Variants in TASP1 observed in about 807,000 individuals in gnomAD.
TASP1 encodes taspase 1.
In TASP1, 16 loss-of-function variants were observed where a neutral mutation model predicts 56.6. The ratio of observed to expected loss-of-function variants is 0.28; its 90% CI spans 0.19 to 0.43. The LOEUF (loss-of-function observed/expected upper bound fraction) is 0.43. Ranked by LOEUF, TASP1 falls within the 20% of genes least tolerant of loss-of-function variation. The pLI is 1.00. For missense variants in TASP1, 393 were observed against 511.6 expected, an observed-to-expected ratio of 0.77 and a Z score of 2.24; for synonymous variants, 179 against 184.2, an observed-to-expected ratio of 0.97 and a Z score of 0.23.
the TASP1 span, among the ~76,000 whole-genome samples, chr20:13,298,477 T>A: frequency 0.1 from 15,750 of 152,284 alleles, 1,060 homozygotes; most frequent in Middle Eastern, 0.16. Flanking sequence ...TTAGGAGTGA[T>A]AATCGGATCA....
intron 4 of TASP1, among the ~76,000 whole-genome samples, chr20:13,609,308 T>C (rs1167749084): frequency 1.3e-5 from 2 of 152,114 alleles, no homozygotes; most frequent in African/African-American, 4.8e-5. Flanking sequence ...AACAAAGATG[T>C]AGAAAAAATT....
At chr20:13,460,783 C>T (rs1175859118) in intron 11 of TASP1, among the ~76,000 whole-genome samples, 4 of 152,106 alleles carry the variant, frequency 2.6e-5, no homozygotes, top group Non-Finnish European at 4.4e-5. Flanking sequence ...ACTTTCCCAT[C>T]TACCTCCATT....
intron 11 of TASP1, among the ~76,000 whole-genome samples, chr20:13,461,415 C>G (rs1257476922): frequency 1.3e-5 from 2 of 152,076 alleles, no homozygotes; most frequent in Non-Finnish European, 2.9e-5. Flanking sequence ...TGTTGTATTT[C>G]TAGTGCCTGG....
At chr20:13,584,547 TAAAAGATCAG>T (rs2047236563) in intron 5 of TASP1, among the ~76,000 whole-genome samples, 2 of 151,846 alleles carry the variant, frequency 1.3e-5, no homozygotes, top group African/African-American at 4.8e-5. Context: ...AGAAAGGATA[TAAAAGATCAG>T]AACAAATAAA....
In TASP1 at chr20:13,614,112, A is replaced by G. The variant is rs1264488492; in HGVS notation, c.282+9334T>C. ...TGTCTGAGGAAATTACTCAACTTAGACAGCCTGGAATTATATCTAGCCAAA... is the reference window on the plus strand; with the variant it reads ...TGTCTGAGGAAATTACTCAACTTAGGCAGCCTGGAATTATATCTAGCCAAA... On this transcript the variant is annotated intron_variant, in intron 4 of 13. Transcript: ENST00000337743. Among the ~76,000 whole-genome samples the G allele has an allele frequency of 2.0e-5, 3 of 152,170 alleles. No homozygotes were observed. The East Asian group carries it at 5.8e-4, about 29-fold the overall frequency.
chr20:13,330,385 T>C, the TASP1 span, among the ~76,000 whole-genome samples: 1 of 152,228 alleles, frequency 6.6e-6, no homozygotes, highest in African/African-American at 2.4e-5. Flanking sequence ...TAGCTAAGCC[T>C]CAGTTGATTT....
intron 7 of TASP1, among the ~76,000 whole-genome samples, chr20:13,564,556 GT>G (rs144190368): frequency 0.025 from 3,435 of 138,614 alleles, 131 homozygotes; most frequent in African/African-American, 0.081. Flanking sequence ...TCCCAATAGT[GT>G]TTTTTTTTTT....
chr20:13,155,566 C>T, the TASP1 span, among the ~76,000 whole-genome samples: 1 of 152,138 alleles, frequency 6.6e-6, no homozygotes, highest in African/African-American at 2.4e-5. Flanking sequence ...GTGGCTCATG[C>T]CTGTAATCCC....
intron 3 of TASP1, 53 bp downstream of exon 3, chr20:13,625,132 A>T (rs2048843412): frequency 7.6e-7 from 1 of 1,321,358 alleles, no homozygotes; most frequent in Non-Finnish European, 1.0e-6. Flanking sequence ...TCAAGGTAAA[A>T]CTGCTTTCTG....
At chr20:13,526,404 G>A (rs1331187661) in intron 10 of TASP1, among the ~76,000 whole-genome samples, 1 of 152,000 alleles carries the variant, frequency 6.6e-6, no homozygotes, top group Non-Finnish European at 1.5e-5. Flanking sequence ...TCTTTGCTTT[G>A]TTCAAGTACT....
rs56129321 is a variant in TASP1, at chr20:13,496,485, TA to T, written c.875-13149del. Among the ~76,000 whole-genome samples the T allele has an allele frequency of 4.1e-3, 601 of 146,570 alleles. 1 individual carries two copies. Among genetic ancestry groups the T allele is most frequent in the African/African-American group, 0.011 (432 of 39,810 alleles). On this transcript the variant is annotated intron_variant, in intron 10 of 13. Coordinates refer to ENST00000337743, the MANE Select transcript of TASP1 (RefSeq NM_017714.3). Reference sequence around the variant, plus strand: ...TTATGTTAAAATCACATTTCCTACTTAAAAAAAAAAAAAGGAGGAGGAGGAT... The same window carrying T: ...TTATGTTAAAATCACATTTCCTACTTAAAAAAAAAAAAGGAGGAGGAGGAT...
the TASP1 span, among the ~76,000 whole-genome samples, chr20:13,346,239 C>G: frequency 7.2e-5 from 11 of 152,202 alleles, no homozygotes; most frequent in Non-Finnish European, 1.3e-4. Context: ...AAGGCCACTA[C>G]TTTTCTGCTT....
chr20:13,124,847 T>C, the TASP1 span, among the ~76,000 whole-genome samples: 12 of 152,176 alleles, frequency 7.9e-5, 1 homozygote, highest in Admixed American at 5.9e-4. Context: ...ATGTGACTAA[T>C]GAAGGAGGGT....
Position 13,403,744 on chromosome 20 carries a change from G to A in TASP1, c.1171-13292C>T, listed in dbSNP as rs888540214. Among the ~76,000 whole-genome samples, 7 of 152,204 alleles carry A rather than the reference G, an allele frequency of 4.6e-5. 1 individual carries two copies. The South Asian group carries it at 1.2e-3, about 27-fold the overall frequency. On this transcript the variant is annotated intron_variant, in intron 13 of 13. Transcript: ENST00000337743. ...AAGAAATAAAATAAAAATTAGCCAG[G>A]TGAGGTGTGCCCCTGCAGTCCTAGT...
chr20:13,447,114 T>C (rs1055707287), intron 11 of TASP1, among the ~76,000 whole-genome samples: 1 of 152,164 alleles, frequency 6.6e-6, no homozygotes, highest in African/African-American at 2.4e-5. Context: ...TCCTAAACTT[T>C]CCTCTAAAAA....
intron 11 of TASP1, among the ~76,000 whole-genome samples, chr20:13,451,837 A>T (rs896289871): frequency 2.6e-5 from 4 of 152,116 alleles, no homozygotes; most frequent in African/African-American, 7.2e-5. Context: ...TCAGCTTTTG[A>T]CATGCCTTCC....
chr20:13,173,442 G>A, the TASP1 span, among the ~76,000 whole-genome samples: 3 of 152,156 alleles, frequency 2.0e-5, no homozygotes, highest in Admixed American at 6.5e-5. Context: ...TATCAAGTAT[G>A]GATGCACTCA....
At chr20:13,114,066 T>C in the TASP1 span, among the ~76,000 whole-genome samples, 1 of 152,286 alleles carries the variant, frequency 6.6e-6, no homozygotes, top group South Asian at 2.1e-4. Flanking sequence ...GTGGCCCTGA[T>C]GGGACAAAGG....
intron 10 of TASP1, 93 bp downstream of exon 10, chr20:13,528,340 C>T (rs995900777): frequency 1.9e-6 from 2 of 1,052,482 alleles, no homozygotes; most frequent in African/African-American, 3.1e-5. Flanking sequence ...TGTCATAGCA[C>T]ATGTTCTATG....
Sources: allele counts gnomAD v4.1 joint callset (sites outside exome capture counted in the v4.1 genomes callset), GRCh38; gene constraint gnomAD v4.1.1; transcripts MANE v1.5; gene names NCBI Gene and HGNC (gene_info 2026-07-23, HGNC 2026-07-21).